CHRM2: variants seen among roughly 807,000 people sequenced by gnomAD.
The protein encoded by CHRM2 is cholinergic receptor muscarinic 2.
CHRM2 carries 8 observed loss-of-function variants against 25.0 expected under a neutral mutation model. The observed-to-expected ratio is 0.32, with a 90% CI of 0.19 to 0.58. The LOEUF is 0.58. Ranked by LOEUF, CHRM2 falls within the 20% of genes least tolerant of loss-of-function variation. CHRM2 has a pLI of 0.88. For synonymous variants in CHRM2, 202 were observed against 205.7 expected, an observed-to-expected ratio of 0.98 and a Z score of 0.15; for missense variants, 440 against 567.1, an observed-to-expected ratio of 0.78 and a Z score of 2.28.
chr7:136,953,358 G>C (rs907892898), intron 2 of CHRM2, among the ~76,000 whole-genome samples: 9 of 152,118 alleles, frequency 5.9e-5, no homozygotes, highest in Non-Finnish European at 1.2e-4. Context: ...CCTCAGTAGA[G>C]TCCTGATCCT....
intron 2 of CHRM2, among the ~76,000 whole-genome samples, chr7:136,945,406 G>T (rs6467695): frequency 6.6e-6 from 1 of 151,924 alleles, no homozygotes; most frequent in Admixed American, 6.6e-5. Flanking sequence ...TGCTTTTAGT[G>T]TACGGTGAGA....
At chr7:136,999,260 A>G (rs1015513415) in intron 3 of CHRM2, among the ~76,000 whole-genome samples, 20 of 152,208 alleles carry the variant, frequency 1.3e-4, no homozygotes, top group African/African-American at 4.8e-4. Flanking sequence ...TAAACAGCTA[A>G]TGCACATGGG....
At position 136,982,422 on chromosome 7, in the gene CHRM2, T is replaced by TG. The variant is rs1802550215; in HGVS notation, c.-124-9761dup. Among the ~76,000 whole-genome samples the TG allele has an allele frequency of 1.3e-5, 2 of 152,212 alleles. 1 individual carries two copies. The highest frequency in any genetic ancestry group is 4.1e-4 in the South Asian group (2 of 4,830). On this transcript the variant is annotated intron_variant, in intron 2 of 3. Transcript: ENST00000680005. ...AATTTGCCAGTCTGTGCATTATAATTGGGGCATTTATCCCATTTACATTTA... is the reference window on the plus strand; with the variant it reads ...AATTTGCCAGTCTGTGCATTATAATTGGGGGCATTTATCCCATTTACATTTA...
At chr7:137,014,578 G>T (rs541323039) in intron 3 of CHRM2, among the ~76,000 whole-genome samples, 174 of 151,950 alleles carry the variant, frequency 1.1e-3, no homozygotes, top group Non-Finnish European at 1.1e-3. Flanking sequence ...CTCATATCTG[G>T]ATAAGGACAT....
intron 3 of CHRM2, among the ~76,000 whole-genome samples, chr7:136,992,522 C>T (rs1181907610): frequency 6.6e-6 from 1 of 152,088 alleles, no homozygotes; most frequent in African/African-American, 2.4e-5. Flanking sequence ...CAAGTTGATT[C>T]AACTTGTCAG....
At chr7:137,011,215 G>GTGTGTATATATATATATATA in intron 3 of CHRM2, among the ~76,000 whole-genome samples, 3 of 134,334 alleles carry the variant, frequency 2.2e-5, no homozygotes, top group African/African-American at 6.4e-5. Context: ...GTGTGTGTGT[G>GTGTGTATATATATATATATA]TATATATATA....
rs527248377 is a variant in CHRM2 at position 136,938,858 on chromosome 7, C to G, written c.-124-53329C>G. ...ACCTGGGGACCCCCCTTGCCGATGC[C>G]TCCAGCTACAAAGTTGCTTTTTTTT... On this transcript the variant is annotated intron_variant, in intron 2 of 3. Coordinates refer to ENST00000680005, the MANE Select transcript of CHRM2 (RefSeq NM_001006630.2). 9.6e-5 allele frequency among the ~76,000 whole-genome samples: 14 copies of G among 145,514 alleles called. No homozygotes were observed. The South Asian group carries it at 3.0e-3, about 32-fold the overall frequency.
chr7:136,970,310 T>C (rs1240957527), intron 2 of CHRM2, among the ~76,000 whole-genome samples: 1 of 152,164 alleles, frequency 6.6e-6, no homozygotes, highest in African/African-American at 2.4e-5. Context: ...ACCTAATCCT[T>C]CTTCTTCAAC....
intron 2 of CHRM2, among the ~76,000 whole-genome samples, chr7:136,974,387 G>T (rs1801980097): frequency 6.6e-6 from 1 of 152,158 alleles, no homozygotes; most frequent in Non-Finnish European, 1.5e-5. Context: ...TTGCACAGAA[G>T]AAATCTGTTA....
chr7:136,939,451 G>T (rs1554421236), intron 2 of CHRM2, among the ~76,000 whole-genome samples: 1 of 152,122 alleles, frequency 6.6e-6, no homozygotes, highest in Non-Finnish European at 1.5e-5. Context: ...GCAAAGTAAG[G>T]ATAATATTAT....
At chr7:137,009,219 G>T (rs76849961) in intron 3 of CHRM2, among the ~76,000 whole-genome samples, 3,190 of 151,952 alleles carry the variant, frequency 0.021, 41 homozygotes, top group Middle Eastern at 0.061. Context: ...ATAATTCTCC[G>T]CTTTTATCTA....
At chr7:136,970,444 T>G (rs1801687066) in intron 2 of CHRM2, among the ~76,000 whole-genome samples, 1 of 152,234 alleles carries the variant, frequency 6.6e-6, no homozygotes, top group African/African-American at 2.4e-5. Context: ...TCTTCTATTA[T>G]TCTTTGAAAC....
intron 2 of CHRM2, among the ~76,000 whole-genome samples, chr7:136,885,118 T>C (rs1796412668): frequency 6.6e-6 from 1 of 152,194 alleles, no homozygotes; most frequent in African/African-American, 2.4e-5. Context: ...TTTTAGAAAA[T>C]GTTTTATTCA....
At chr7:136,901,149 C>T (rs1039244051) in intron 2 of CHRM2, among the ~76,000 whole-genome samples, 2 of 151,996 alleles carry the variant, frequency 1.3e-5, no homozygotes, top group Admixed American at 6.6e-5. Flanking sequence ...GGAGTGTGGG[C>T]ACCCCCAAAG....
At position 137,015,298 on chromosome 7, in the gene CHRM2, G is replaced by T. The variant is rs1805096210; in HGVS notation, c.433G>T (p.Ala145Ser). 6.2e-7 allele frequency: 1 copy of T among 1,613,232 alleles called. No homozygotes were observed. The highest frequency in any genetic ancestry group is 1.7e-4 in the Middle Eastern group (1 of 6,058). ...RTTKMAGMMI[A>S]AAWVLSFILW... ...CACAAAAATGGCAGGTATGATGATT[G>T]CAGCTGCCTGGGTCCTCTCTTTCAT... is the stretch of plus-strand genomic sequence containing the variant. The change falls in exon 4 of 4, where the codon GCA (alanine) becomes TCA (serine). Residue 145 changes from alanine to serine, a missense_variant. By Grantham distance (99) the Ala-to-Ser change is moderately conservative. Around this residue, in one of 5 missense-constraint regions of CHRM2, gnomAD observed 27 missense variants for 55.5 expected, o/e 0.49. Coordinates refer to ENST00000680005, the MANE Select transcript of CHRM2 (RefSeq NM_001006630.2). The surrounding 1 kb of genome is among the most constrained non-coding windows in gnomAD (Gnocchi z 5.1).
intron 2 of CHRM2, among the ~76,000 whole-genome samples, chr7:136,977,450 G>T (rs1164545001): frequency 6.6e-6 from 1 of 151,884 alleles, no homozygotes; most frequent in Admixed American, 6.6e-5. Context: ...TAGACAGTGG[G>T]TTTACAATGG....
chr7:136,950,323 G>T (rs1389428232), intron 2 of CHRM2, among the ~76,000 whole-genome samples: 1 of 152,142 alleles, frequency 6.6e-6, no homozygotes, highest in African/African-American at 2.4e-5. Context: ...TAGGACAATA[G>T]AGATACAAAT....
chr7:136,904,866 T>C (rs1797446085), intron 2 of CHRM2, among the ~76,000 whole-genome samples: 1 of 151,952 alleles, frequency 6.6e-6, no homozygotes, highest in South Asian at 2.1e-4. Flanking sequence ...AGCTTAGGTT[T>C]GAATTCTGAC....
intron 3 of CHRM2, among the ~76,000 whole-genome samples, chr7:136,999,521 A>G (rs1182496014): frequency 2.0e-5 from 3 of 151,898 alleles, no homozygotes; most frequent in African/African-American, 7.3e-5. Flanking sequence ...AACATTAGGT[A>G]TATCTCCTAA....
Sources: gnomAD v4.1 joint callset for allele counts (sites outside exome capture counted in the v4.1 genomes callset) on GRCh38, gnomAD v4.1.1 for gene constraint, gnomAD v4.1.1 regional missense constraint, Gnocchi (gnomAD v3.1) non-coding constraint, MANE v1.5 for transcripts, NCBI Gene and HGNC (gene_info 2026-07-23, HGNC 2026-07-21) for gene names.